The following CELF1 variants were observed in gnomAD, a reference collection of about 807,000 sequenced individuals.
CELF1 encodes 50 kDa nuclear polyadenylated RNA-binding protein.
CELF1 carries 10 observed loss-of-function variants against 61.8 expected under a neutral mutation model. That is an observed-to-expected ratio of 0.16 (90% CI 0.10 to 0.27). The LOEUF (loss-of-function observed/expected upper bound fraction) is 0.27, where lower values mean the gene tolerates loss of function less well. Ranked by LOEUF, CELF1 falls within the 10% of genes least tolerant of loss-of-function variation. The pLI is 1.00. For synonymous variants in CELF1, 236 were observed against 225.1 expected (o/e 1.05, Z -0.43); for missense variants, 380 against 639.1 (o/e 0.59, Z 4.37).
At chr11:47,525,294 T>C (rs764992499) in intron 1 of CELF1, among the ~76,000 whole-genome samples, 2 of 152,216 alleles carry the variant, frequency 1.3e-5, no homozygotes, top group Non-Finnish European at 2.9e-5. Flanking sequence ...AGCCAAATAT[T>C]TGTGTTCCAA....
intron 1 of CELF1, chr11:47,564,507 C>G (rs2097238047): frequency 6.7e-6 from 1 of 149,810 alleles, no homozygotes; most frequent in African/African-American, 2.5e-5. Flanking sequence ...AAAAACTCCA[C>G]CAGATGCTTG....
intron 1 of CELF1, among the ~76,000 whole-genome samples, chr11:47,511,546 T>TA (rs752340056): frequency 5.6e-4 from 86 of 152,320 alleles, no homozygotes; most frequent in Non-Finnish European, 9.0e-4. Flanking sequence ...TTAAAGTTTG[T>TA]AAACCCTTAT....
Position 47,493,507 on chromosome 11 carries a change from CAAAAAGAAAA to C in CELF1, c.72-4493_72-4484del, listed in dbSNP as rs1223447942. On this transcript the variant is annotated intron_variant, in intron 3 of 14. Transcript: ENST00000687097. ...TGGGCGACAGAGCAAGACTCCATCT[CAAAAAGAAAA>C]AAAAAAAAAAAAAAAAAAGGGCGTG... Among the ~76,000 whole-genome samples the C allele has an allele frequency of 3.3e-3, 264 of 80,298 alleles. 1 individual carries two copies. In the Middle Eastern group the frequency reaches 0.034, roughly 10 times the overall value. The allele number at this position is 80,298 out of a possible 152,430, so 52.7% of individuals were successfully genotyped here.
chr11:47,487,065 C>A (rs975296799), intron 5 of CELF1, 94 bp downstream of exon 5: 13 of 1,013,834 alleles, frequency 1.3e-5, no homozygotes, highest in Non-Finnish European at 1.8e-5. Flanking sequence ...TTACCTTTTC[C>A]CCAAAATGGT....
upstream of CELF1, among the ~76,000 whole-genome samples, chr11:47,554,378 GA>G (rs2097197106): frequency 3.3e-5 from 5 of 152,116 alleles, no homozygotes; most frequent in Non-Finnish European, 7.4e-5. Flanking sequence ...ATAGCTTACA[GA>G]ATGTTGTCAC....
At chr11:47,484,148 C>A (rs2085159842) in intron 7 of CELF1, among the ~76,000 whole-genome samples, 1 of 152,090 alleles carries the variant, frequency 6.6e-6, no homozygotes, top group Non-Finnish European at 1.5e-5. Context: ...GCCTGGGCAA[C>A]ACAGGGAGAC....
Position 47,494,956 on chromosome 11 carries a change from A to G in CELF1, c.71+4497T>C, listed in dbSNP as rs543863243. ...TGTAAAGACAGGGGTCTTGCTGTGA[A>G]ACCCAGGCTGGTCTCGAACTCCTGG... On this transcript the variant is annotated intron_variant, in intron 3 of 14. Transcript: ENST00000687097. 1.1e-4 allele frequency among the ~76,000 whole-genome samples: 16 copies of G among 152,324 alleles called. No individual in the cohort carries two copies. The East Asian group carries it at 3.1e-3, about 29-fold the overall frequency.
intron 1 of CELF1, among the ~76,000 whole-genome samples, chr11:47,518,517 T>C (rs1257156886): frequency 2.0e-5 from 3 of 152,196 alleles, no homozygotes; most frequent in Non-Finnish European, 4.4e-5. Context: ...AGAAAAACCC[T>C]ACAGTCCCTG....
At chr11:47,564,749 C>A (rs565502466) in intron 1 of CELF1, among the ~76,000 whole-genome samples, 1 of 152,288 alleles carries the variant, frequency 6.6e-6, no homozygotes, top group East Asian at 1.9e-4. Context: ...TGAGATCTTG[C>A]GACTGCCCTC....
chr11:47,499,528 T>A lies in CELF1; in HGVS notation c.-5A>T, dbSNP rs1401865039. ...ATCCAACTTAAACGCAGCCATCACC[T>A]CACTCTCCCCTTCAGAAGCCAATGA... On this transcript the variant is annotated 5_prime_UTR_variant, in exon 3 of 15. Coordinates refer to ENST00000687097, the MANE Select transcript of CELF1 (RefSeq NM_001376376.1). 1.3e-6 allele frequency: 2 copies of A among 1,534,982 alleles called. No individual in the cohort carries two copies. Among genetic ancestry groups the A allele is most frequent in the East Asian group, 4.9e-5 (2 of 40,920 alleles).
intron 9 of CELF1, among the ~76,000 whole-genome samples, chr11:47,479,902 C>T (rs2082022966): frequency 6.6e-6 from 1 of 152,024 alleles, no homozygotes; most frequent in Admixed American, 6.6e-5. Context: ...TACAAACCTC[C>T]AGGAACAGAA....
intron 1 of CELF1, among the ~76,000 whole-genome samples, chr11:47,512,005 T>A (rs975097860): frequency 1.3e-5 from 2 of 151,832 alleles, no homozygotes; most frequent in African/African-American, 4.8e-5. Flanking sequence ...CAAGCCATCA[T>A]GCCCAGCTAA....
At chr11:47,556,771 C>T (rs2097206927), upstream of CELF1, among the ~76,000 whole-genome samples, 2 of 152,210 alleles carry the variant, frequency 1.3e-5, no homozygotes, top group Admixed American at 1.3e-4. Context: ...GTTCCAACTA[C>T]TTAAGAAGCT....
chr11:47,509,166 G>C (rs1225248357), intron 1 of CELF1, among the ~76,000 whole-genome samples: 1 of 152,168 alleles, frequency 6.6e-6, no homozygotes, highest in Non-Finnish European at 1.5e-5. Context: ...AAACGCTTTG[G>C]TGAGAGAGAA....
chr11:47,492,009 G>A (rs552511927), intron 3 of CELF1, among the ~76,000 whole-genome samples: 3 of 151,988 alleles, frequency 2.0e-5, no homozygotes, highest in Admixed American at 6.6e-5. Context: ...ACATGGTCTC[G>A]CTCTGTTGCC....
intron 1 of CELF1, among the ~76,000 whole-genome samples, chr11:47,518,228 C>T (rs2095662984): frequency 6.6e-6 from 1 of 152,198 alleles, no homozygotes; most frequent in African/African-American, 2.4e-5. Context: ...AATTACATCA[C>T]ACCATTTTAA....
intron 1 of CELF1, among the ~76,000 whole-genome samples, chr11:47,501,346 G>A (rs1476392445): frequency 6.6e-6 from 1 of 152,220 alleles, no homozygotes; most frequent in East Asian, 1.9e-4. Context: ...CCTAGCTGGG[G>A]CTGGTTAGAT....
In CELF1 at chr11:47,506,383, C is replaced by T. The variant is rs370044075; in HGVS notation, c.-153-5451G>A. Reference sequence around the variant, plus strand: ...CGGAGGGGTTGCAGTGAGCCAAGATCGCGCCACTGCTCTCCAGCCTGGGTG... The same window carrying T: ...CGGAGGGGTTGCAGTGAGCCAAGATTGCGCCACTGCTCTCCAGCCTGGGTG... On this transcript the variant is annotated intron_variant, in intron 1 of 14. Transcript: ENST00000687097. 1.4e-4 allele frequency among the ~76,000 whole-genome samples: 21 copies of T among 151,918 alleles called. No individual in the cohort carries two copies. The East Asian group carries it at 2.7e-3, about 20-fold the overall frequency.
At chr11:47,486,393 A>C (rs1235158343) in intron 6 of CELF1, among the ~76,000 whole-genome samples, 1 of 151,946 alleles carries the variant, frequency 6.6e-6, no homozygotes, top group Non-Finnish European at 1.5e-5. Context: ...ACCTAAGAAC[A>C]GCAAACAAAC....
Sources: gnomAD v4.1 joint callset for allele counts (sites outside exome capture counted in the v4.1 genomes callset) on GRCh38, gnomAD v4.1.1 for gene constraint, MANE v1.5 for transcripts, NCBI Gene and HGNC (gene_info 2026-07-23, HGNC 2026-07-21) for gene names.